The following KANSL1 variants were observed in gnomAD, a reference collection of about 807,000 sequenced individuals.
KANSL1 encodes the protein MLL1/MLL complex subunit KANSL1.
KANSL1 carries 22 observed loss-of-function variants against 103.6 expected under a neutral mutation model. The ratio of observed to expected loss-of-function variants is 0.21; its 90% confidence interval spans 0.15 to 0.30. KANSL1 has a LOEUF of 0.30. KANSL1 is among the 10% of genes least tolerant of loss of function. The pLI is 1.00. For missense variants in KANSL1, 1,337 were observed against 1,399.8 expected (o/e 0.96, Z 0.72); for synonymous variants, 600 against 527.6 (o/e 1.14, Z -1.88).
intron 1 of KANSL1, among the ~76,000 whole-genome samples, chr17:46,181,880 TCTA>T (rs1281393435): frequency 2.0e-5 from 3 of 151,878 alleles, no homozygotes; most frequent in Non-Finnish European, 1.5e-5. Flanking sequence ...AGGTCCTTCT[TCTA>T]CTTTTTTTTT....
At chr17:46,075,347 C>T (rs111586106) in intron 4 of KANSL1, among the ~76,000 whole-genome samples, 1 of 149,496 alleles carries the variant, frequency 6.7e-6, no homozygotes, top group Admixed American at 6.7e-5. Flanking sequence ...CACACACTCT[C>T]TCTTTCTTTC....
chr17:46,059,628 CAA>C (rs146430605), intron 6 of KANSL1, among the ~76,000 whole-genome samples: 3 of 74,354 alleles, frequency 4.0e-5, no homozygotes, highest in African/African-American at 1.2e-4. Context: ...GCTCTGACTC[CAA>C]AAAAAAAAAA....
Position 46,031,376 on chromosome 17 carries a change from G to A in KANSL1, c.*100C>T. On this transcript the variant is annotated 3_prime_UTR_variant, in exon 15 of 15. Transcript: ENST00000432791. ...AAATTCCTTAAGTTCACTAAAAACT[G>A]TGAAAATTTCCGGCATATGATGTTT... 1 of 1,134,286 alleles carries A rather than the reference G, an allele frequency of 8.8e-7. No individual in the cohort carries two copies. Among genetic ancestry groups the A allele is most frequent in the Non-Finnish European group, 1.2e-6 (1 of 811,928 alleles). The allele number at this position is 1,134,286 out of a possible 1,614,324, so 70.3% of individuals were successfully genotyped here.
chr17:46,074,024 T>C lies in KANSL1; in HGVS notation c.1534-6357A>G, dbSNP rs1029647781. ...GTGTGTATGCACCTGTGAGCATAGA[T>C]ACATATGTTTCCTTGCTTTGCCTTT... On this transcript the variant is annotated intron_variant, in intron 4 of 14. Coordinates refer to ENST00000432791, the MANE Select transcript of KANSL1 (RefSeq NM_015443.4). Among the ~76,000 whole-genome samples, 5 of 152,164 alleles carry C rather than the reference T, an allele frequency of 3.3e-5. No individual in the cohort carries two copies. The South Asian group carries it at 6.2e-4, about 19-fold the overall frequency.
At chr17:46,095,859 A>G (rs2042039571) in intron 2 of KANSL1, among the ~76,000 whole-genome samples, 1 of 152,222 alleles carries the variant, frequency 6.6e-6, no homozygotes, top group African/African-American at 2.4e-5. Context: ...TAACAGAAAT[A>G]GGAAATTCAC....
At chr17:46,184,510 C>T (rs1471527943) in intron 1 of KANSL1, among the ~76,000 whole-genome samples, 2 of 152,218 alleles carry the variant, frequency 1.3e-5, no homozygotes, top group African/African-American at 4.8e-5. Flanking sequence ...CTTTCACTGA[C>T]TCTAGAGTAA....
intron 2 of KANSL1, among the ~76,000 whole-genome samples, chr17:46,118,161 A>G (rs2043124553): frequency 6.6e-6 from 1 of 152,136 alleles, no homozygotes; most frequent in African/African-American, 2.4e-5. Flanking sequence ...ACTCTTAGAT[A>G]AAAGAGCACT....
chr17:46,164,723 A>T (rs888039532), intron 2 of KANSL1, among the ~76,000 whole-genome samples: 1 of 152,242 alleles, frequency 6.6e-6, no homozygotes, highest in African/African-American at 2.4e-5. Context: ...ATGCAAAAAA[A>T]TGGTGATGAG....
intron 2 of KANSL1, among the ~76,000 whole-genome samples, chr17:46,100,965 TCA>T (rs1396526183): frequency 3.9e-5 from 6 of 152,242 alleles, no homozygotes; most frequent in Admixed American, 1.3e-4. Context: ...AAATGACTGT[TCA>T]CAGTGAGCTA....
Position 46,192,873 on chromosome 17 carries a change from GCA to G in KANSL1, c.-142_-141del, listed in dbSNP as rs1211127689. The G allele has an allele frequency of 6.5e-6, 1 of 152,884 alleles. No individual in the cohort carries two copies. Among genetic ancestry groups the G allele is most frequent in the Non-Finnish European group, 1.5e-5 (1 of 68,390 alleles). The allele number at this position is 152,884 out of a possible 1,614,324, so 9.5% of individuals were successfully genotyped here. On this transcript the variant is annotated 5_prime_UTR_variant, in exon 1 of 15. Transcript: ENST00000432791. The stretch of plus-strand genomic sequence containing the variant: ...GCGGATTCAGCCCCACAAAATGGGC[GCA>G]GTTTGCAAACAGCCCCCCGGCCTGG...
At chr17:46,122,519 T>A (rs1029535949) in intron 2 of KANSL1, among the ~76,000 whole-genome samples, 1 of 152,132 alleles carries the variant, frequency 6.6e-6, no homozygotes, top group Non-Finnish European at 1.5e-5. Context: ...ATGGGGGTGA[T>A]CTCCTATCGA....
At chr17:46,095,463 A>G (rs1318716341) in intron 2 of KANSL1, among the ~76,000 whole-genome samples, 4 of 152,240 alleles carry the variant, frequency 2.6e-5, no homozygotes, top group South Asian at 2.1e-4. Flanking sequence ...TAGATACATA[A>G]AAGATAACGG....
At chr17:46,117,221 A>AGAGATAT (rs2043082872) in intron 2 of KANSL1, among the ~76,000 whole-genome samples, 1 of 152,208 alleles carries the variant, frequency 6.6e-6, no homozygotes, top group South Asian at 2.1e-4. Flanking sequence ...CTTCATGTTA[A>AGAGATAT]GAGATATTAT....
At chr17:46,208,723 G>A (rs2696462) in intron 1 of KANSL1, among the ~76,000 whole-genome samples, 21,842 of 150,256 alleles carry the variant, frequency 0.15, 2,179 homozygotes, top group Middle Eastern at 0.22. Context: ...CTTCCTCTCC[G>A]CGTCAGTCTG....
At chr17:46,075,154 A>G (rs942117684) in intron 4 of KANSL1, among the ~76,000 whole-genome samples, 1 of 152,250 alleles carries the variant, frequency 6.6e-6, no homozygotes, top group Non-Finnish European at 1.5e-5. Flanking sequence ...GACAACAGAA[A>G]GGACATTAAT....
intron 2 of KANSL1, among the ~76,000 whole-genome samples, chr17:46,136,051 C>T (rs1169899399): frequency 6.6e-6 from 1 of 152,068 alleles, no homozygotes; most frequent in African/African-American, 2.4e-5. Flanking sequence ...TTAAAAAAAT[C>T]ATTCAACACC....
At chr17:46,094,837 G>T in intron 2 of KANSL1, 136 bp from the exon 3 acceptor site, 1 of 993,368 alleles carries the variant, frequency 1.0e-6, no homozygotes, top group Non-Finnish European at 1.5e-6. Flanking sequence ...CCAAGAGAGA[G>T]ACAAGACACC....
intron 6 of KANSL1, among the ~76,000 whole-genome samples, chr17:46,062,517 C>T (rs1381695333): frequency 1.3e-5 from 2 of 151,468 alleles, no homozygotes; most frequent in Non-Finnish European, 2.9e-5. Flanking sequence ...TGCCACCACG[C>T]CCAGCTAATT....
At chr17:46,162,996 T>C (rs1432241075) in intron 2 of KANSL1, among the ~76,000 whole-genome samples, 2 of 152,210 alleles carry the variant, frequency 1.3e-5, no homozygotes, top group Admixed American at 6.5e-5. Flanking sequence ...TCAGCTTACA[T>C]GTCACTTCCT....
Sources: allele counts gnomAD v4.1 joint callset (sites outside exome capture counted in the v4.1 genomes callset), GRCh38; gene constraint gnomAD v4.1.1; transcripts MANE v1.5; gene names NCBI Gene and HGNC (gene_info 2026-07-23, HGNC 2026-07-21).